The following F13A1 variants were observed in gnomAD, a reference collection of about 807,000 sequenced individuals.
F13A1 encodes coagulation factor XIII A chain, also known as FSF, A subunit.
Under a neutral mutation model 80.1 loss-of-function variants are expected in F13A1, and 47 were observed. That is an observed-to-expected ratio of 0.59 (90% CI 0.46 to 0.75). The LOEUF (loss-of-function observed/expected upper bound fraction) is 0.75. Among genes scored for constraint, F13A1 ranks in the 30% least tolerant of loss-of-function variants. F13A1 has a pLI of 0.00. For missense variants in F13A1, 817 were observed against 930.4 expected (o/e 0.88, Z 1.59); for synonymous variants, 349 against 344.9 (o/e 1.01, Z -0.13).
intron 4 of F13A1, among the ~76,000 whole-genome samples, chr6:6,253,251 T>A (rs912328710): frequency 3.9e-5 from 6 of 151,982 alleles, no homozygotes; most frequent in Non-Finnish European, 7.4e-5. Context: ...AAATTAAACT[T>A]TGGACCCCAA....
At chr6:6,253,142 C>CA (rs397886568) in intron 4 of F13A1, among the ~76,000 whole-genome samples, 12,321 of 73,726 alleles carry the variant, frequency 0.17, 1,377 homozygotes, top group Non-Finnish European at 0.22. Context: ...GAATCTGTCC[C>CA]AAAAAAAAAA....
chr6:6,267,740 T>TAA (rs35746453), intron 3 of F13A1, among the ~76,000 whole-genome samples: 9 of 151,396 alleles, frequency 5.9e-5, no homozygotes, highest in African/African-American at 1.5e-4. Flanking sequence ...ATGATAGATT[T>TAA]AAAAAAAAAT....
intron 3 of F13A1, among the ~76,000 whole-genome samples, chr6:6,302,901 T>A (rs1225569217): frequency 1.3e-5 from 2 of 152,224 alleles, no homozygotes; most frequent in Non-Finnish European, 2.9e-5. Flanking sequence ...TTTAGTTAAG[T>A]CTGTTAAATT....
At chr6:6,295,704 A>G (rs1232286556) in intron 3 of F13A1, among the ~76,000 whole-genome samples, 3 of 142,252 alleles carry the variant, frequency 2.1e-5, no homozygotes, top group Non-Finnish European at 4.5e-5. Context: ...TTGCCTGTTC[A>G]CTCTGATGGT....
chr6:6,300,290 G>T (rs1013684171), intron 3 of F13A1, among the ~76,000 whole-genome samples: 22 of 150,242 alleles, frequency 1.5e-4, no homozygotes, highest in African/African-American at 5.3e-4. Context: ...CTTCCAGGCT[G>T]CTTTGTTTCA....
intron 3 of F13A1, among the ~76,000 whole-genome samples, chr6:6,294,368 T>A (rs1758283098): frequency 6.6e-6 from 1 of 152,128 alleles, no homozygotes; most frequent in South Asian, 2.1e-4. Flanking sequence ...GCTGGATGCT[T>A]CCTGCCTTTG....
chr6:6,150,567 G>A (rs543400864), intron 14 of F13A1, among the ~76,000 whole-genome samples: 1 of 152,300 alleles, frequency 6.6e-6, no homozygotes, highest in South Asian at 2.1e-4. Flanking sequence ...TGCCCCAGAG[G>A]GTATAAGTGA....
chr6:6,313,935 G>A (rs1242142255), intron 2 of F13A1, among the ~76,000 whole-genome samples: 1 of 151,222 alleles, frequency 6.6e-6, no homozygotes, highest in Admixed American at 6.6e-5. Flanking sequence ...CTAGCCTGGA[G>A]TATCTCTACA....
intron 4 of F13A1, among the ~76,000 whole-genome samples, chr6:6,263,177 G>A (rs1315965318): frequency 6.6e-6 from 1 of 152,140 alleles, no homozygotes; most frequent in African/African-American, 2.4e-5. Flanking sequence ...TCAACATCTA[G>A]GTGCTACAGA....
intron 3 of F13A1, among the ~76,000 whole-genome samples, chr6:6,295,515 A>T (rs1758310682): frequency 6.8e-6 from 1 of 146,686 alleles, no homozygotes; most frequent in Non-Finnish European, 1.5e-5. Context: ...GCATTTTTTC[A>T]TGTGTTTTTT....
chr6:6,194,649 C>T (rs1237236789), intron 10 of F13A1, among the ~76,000 whole-genome samples: 1 of 152,170 alleles, frequency 6.6e-6, no homozygotes, highest in Non-Finnish European at 1.5e-5. Flanking sequence ...TCTACATGGC[C>T]CACCTGACAA....
At chr6:6,301,775 TCAGCCA>T (rs1430972903) in intron 3 of F13A1, among the ~76,000 whole-genome samples, 1 of 152,188 alleles carries the variant, frequency 6.6e-6, no homozygotes, top group Non-Finnish European at 1.5e-5. Flanking sequence ...GGGGTTACCC[TCAGCCA>T]CAGAGAACCA....
chr6:6,222,176 A>G lies in F13A1; in HGVS notation c.974-5T>C, dbSNP rs758963759. On this transcript the variant is annotated splice_polypyrimidine_tract_variant and splice_region_variant and intron_variant, in intron 7 of 14. Coordinates refer to ENST00000264870, the MANE Select transcript of F13A1 (RefSeq NM_000129.4). Reference sequence around the variant, plus strand: ...GTATTCCAAGGCATCGTAAAACTACAGGAAAGGACAGACCACAGCTAAACA... The same window carrying G: ...GTATTCCAAGGCATCGTAAAACTACGGGAAAGGACAGACCACAGCTAAACA... The G allele has an allele frequency of 1.9e-6, 3 of 1,613,982 alleles. No individual in the cohort carries two copies. Among genetic ancestry groups the G allele is most frequent in the Non-Finnish European group, 2.5e-6 (3 of 1,179,852 alleles).
chr6:6,251,257 T>A (rs550952148), intron 4 of F13A1, among the ~76,000 whole-genome samples: 1 of 152,376 alleles, frequency 6.6e-6, no homozygotes, highest in East Asian at 1.9e-4. Context: ...CAGAATTCTA[T>A]GATGCTGATG....
intron 3 of F13A1, among the ~76,000 whole-genome samples, chr6:6,284,392 A>G (rs1185066055): frequency 6.6e-6 from 1 of 152,226 alleles, no homozygotes; most frequent in Non-Finnish European, 1.5e-5. Context: ...TGTTTGATGG[A>G]AAATGCCACT....
intron 3 of F13A1, among the ~76,000 whole-genome samples, chr6:6,301,567 G>A (rs1414517123): frequency 2.0e-5 from 3 of 152,192 alleles, no homozygotes; most frequent in African/African-American, 4.8e-5. Context: ...AAAATATACA[G>A]ATTTTATCTC....
Position 6,250,699 on chromosome 6 carries a change from A to T in F13A1, c.690+112T>A. The T allele has an allele frequency of 3.9e-6, 3 of 771,358 alleles. No individual in the cohort carries two copies. Among genetic ancestry groups the T allele is most frequent in the Non-Finnish European group, 4.6e-6 (2 of 436,214 alleles). The allele number at this position is 771,358 out of a possible 1,614,324, so 47.8% of individuals were successfully genotyped here. On this transcript the variant is annotated intron_variant, in intron 5 of 14. Coordinates refer to ENST00000264870, the MANE Select transcript of F13A1 (RefSeq NM_000129.4). The surrounding 1 kb of genome is among the most constrained non-coding windows in gnomAD (Gnocchi z 4.2). ...TGCCTTGGAGTCTCAGATCCTAAAA[A>T]GCAGGAAATTGTGCTTGTCTAATAT...
chr6:6,189,523 C>A (rs1429971622), intron 10 of F13A1, among the ~76,000 whole-genome samples: 1 of 143,374 alleles, frequency 7.0e-6, no homozygotes, highest in Non-Finnish European at 1.5e-5. Context: ...GTTGAAAATT[C>A]TTTTCTTTAA....
intron 8 of F13A1, among the ~76,000 whole-genome samples, chr6:6,204,477 A>G (rs1037394483): frequency 1.3e-5 from 2 of 152,258 alleles, no homozygotes; most frequent in Non-Finnish European, 2.9e-5. Flanking sequence ...TTTGTAGCAG[A>G]TGGGTGTAGC....
Sources: gnomAD v4.1 joint callset for allele counts (sites outside exome capture counted in the v4.1 genomes callset) on GRCh38, gnomAD v4.1.1 for gene constraint, Gnocchi (gnomAD v3.1) non-coding constraint, MANE v1.5 for transcripts, NCBI Gene and HGNC (gene_info 2026-07-23, HGNC 2026-07-21) for gene names.